The following ZNF33B variants were observed in gnomAD, a reference collection of about 807,000 sequenced individuals.
The protein encoded by ZNF33B is zinc finger protein 33B, also known as zinc finger protein 11b (KOX 2).
ZNF33B carries 29 observed loss-of-function variants against 45.8 expected under a neutral mutation model. The ratio of observed to expected loss-of-function variants is 0.63; its 90% CI spans 0.47 to 0.86. The LOEUF (loss-of-function observed/expected upper bound fraction) is 0.86. ZNF33B is among the 40% of genes least tolerant of loss of function. The probability of loss-of-function intolerance (pLI) is 0.00; values close to 1 mark genes in which losing one functional copy is unlikely to be tolerated. For synonymous variants in ZNF33B, 305 were observed against 307.8 expected (o/e 0.99, Z 0.10); for missense variants, 831 against 909.9 (o/e 0.91, Z 1.12).
At chr10:42,600,967 G>A (rs1476413012) in intron 4 of ZNF33B, among the ~76,000 whole-genome samples, 1 of 152,144 alleles carries the variant, frequency 6.6e-6, no homozygotes, top group Non-Finnish European at 1.5e-5. Flanking sequence ...ATCAGAACAT[G>A]TCTTGTGATG....
At chr10:42,595,218 G>C (rs543920744) in intron 4 of ZNF33B, among the ~76,000 whole-genome samples, 3 of 152,240 alleles carry the variant, frequency 2.0e-5, no homozygotes, top group African/African-American at 4.8e-5. Context: ...GAATAGAGGA[G>C]ACAGACAGCC....
intron 4 of ZNF33B, among the ~76,000 whole-genome samples, chr10:42,601,468 G>GTT (rs57196690): frequency 0.027 from 2,141 of 79,504 alleles, 77 homozygotes; most frequent in African/African-American, 0.065. Flanking sequence ...ACATGGGCTT[G>GTT]TTTTTTTTTT....
At position 42,593,484 on chromosome 10, in the gene ZNF33B, C is replaced by A. The variant is rs759502367; in HGVS notation, c.1466G>T (p.Arg489Ile). Residue 489 changes from arginine to isoleucine, a missense_variant, in exon 5 of 5, where the codon AGA becomes ATA. Coordinates refer to ENST00000359467, the MANE Select transcript of ZNF33B (RefSeq NM_006955.3). ...CQKSHLTQHQ[R>I]THIGDKPYEC... Reference sequence around the variant, plus strand: ...ATAAGGTTTATCTCCTATGTGAGTTCTCTGATGCTGTGTAAGATGTGACTT... The same window carrying A: ...ATAAGGTTTATCTCCTATGTGAGTTATCTGATGCTGTGTAAGATGTGACTT... 3.7e-6 allele frequency: 6 copies of A among 1,613,948 alleles called. No individual in the cohort carries two copies. The highest frequency in any genetic ancestry group is 2.7e-5 in the African/African-American group (2 of 74,900).
Position 42,592,456 on chromosome 10 carries a change from C to A in ZNF33B, c.*157G>T, listed in dbSNP as rs1837169190. On this transcript the variant is annotated 3_prime_UTR_variant, in exon 5 of 5. Coordinates refer to ENST00000359467, the MANE Select transcript of ZNF33B (RefSeq NM_006955.3). ...AAAGCCATCCTATAGTTGTTGTAGT[C>A]TATGGGTTTATCCCCTACTGTTACT... The A allele has an allele frequency of 2.8e-6, 3 of 1,083,722 alleles. No individual in the cohort carries two copies. The South Asian group carries it at 4.9e-5, about 18-fold the overall frequency. 67.1% of individuals were successfully genotyped at this position (1,083,722 alleles called of 1,614,324 possible).
chr10:42,609,245 C>G (rs1838000921), intron 4 of ZNF33B, among the ~76,000 whole-genome samples: 1 of 151,910 alleles, frequency 6.6e-6, no homozygotes. Flanking sequence ...GTGAAACCCC[C>G]TCTCTATAAA....
downstream of ZNF33B, among the ~76,000 whole-genome samples, chr10:42,587,386 G>A (rs112649792): frequency 0.029 from 4,337 of 151,996 alleles, 218 homozygotes; most frequent in African/African-American, 0.099. Flanking sequence ...TAGTAGAGAC[G>A]GGGTTTCACC....
At chr10:42,629,353 TAGAA>T (rs1201726567) in intron 4 of ZNF33B, among the ~76,000 whole-genome samples, 3 of 152,062 alleles carry the variant, frequency 2.0e-5, no homozygotes, top group African/African-American at 7.2e-5. Flanking sequence ...AAAAAATAGT[TAGAA>T]AGAATGAATA....
downstream of ZNF33B, among the ~76,000 whole-genome samples, chr10:42,584,632 T>C (rs1167446649): frequency 6.6e-6 from 1 of 152,092 alleles, no homozygotes; most frequent in Non-Finnish European, 1.5e-5. Flanking sequence ...CTGATTCTCC[T>C]GCCTCAGCCT....
At chr10:42,633,249 T>C (rs1839135472) in intron 2 of ZNF33B, among the ~76,000 whole-genome samples, 1 of 152,188 alleles carries the variant, frequency 6.6e-6, no homozygotes. Context: ...CTTGGAACTA[T>C]TATACTTGAA....
intron 1 of ZNF33B, chr10:42,582,875 T>A (rs17157518): frequency 0.03 from 12,406 of 407,468 alleles, 274 homozygotes; most frequent in Non-Finnish European, 0.039. Flanking sequence ...CCTCAGTGCA[T>A]CTCTTTGAAG....
intron 4 of ZNF33B, among the ~76,000 whole-genome samples, chr10:42,619,724 A>C (rs1163555392): frequency 6.6e-6 from 1 of 152,212 alleles, no homozygotes; most frequent in Non-Finnish European, 1.5e-5. Context: ...GTGACAACAT[A>C]AAGGGGATGA....
At chr10:42,620,286 A>G (rs1838515652) in intron 4 of ZNF33B, among the ~76,000 whole-genome samples, 1 of 152,064 alleles carries the variant, frequency 6.6e-6, no homozygotes, top group African/African-American at 2.4e-5. Flanking sequence ...AAGAAGGTAT[A>G]CAATATACAG....
rs1156888491 is a variant in ZNF33B at position 42,591,820 on chromosome 10, T to A, written c.*793A>T. 1 of 153,088 alleles carries A rather than the reference T, an allele frequency of 6.5e-6. No homozygotes were observed. Among genetic ancestry groups the A allele is most frequent in the East Asian group, 1.9e-4 (1 of 5,202 alleles). The allele number at this position is 153,088 out of a possible 1,614,324, so 9.5% of individuals were successfully genotyped here. ...AACAAGGGAACTACTTGAGGCTAAA[T>A]CCTGATTCCTTTGTAATCCTGAAAC... is the stretch of plus-strand genomic sequence containing the variant. On this transcript the variant is annotated 3_prime_UTR_variant, in exon 5 of 5. Coordinates refer to ENST00000359467, the MANE Select transcript of ZNF33B (RefSeq NM_006955.3).
intron 1 of ZNF33B, among the ~76,000 whole-genome samples, chr10:42,637,810 G>A (rs897069647): frequency 7.9e-5 from 12 of 152,170 alleles, no homozygotes; most frequent in African/African-American, 2.4e-4. Flanking sequence ...AGGCCACCAC[G>A]CATGGCTACT....
chr10:42,598,555 G>A lies in ZNF33B; in HGVS notation c.251-3856C>T, dbSNP rs536807596. The stretch of plus-strand genomic sequence containing the variant: ...CCATCAGACTTCACATACAAATCAC[G>A]AGTTCAAAGATAAAACTGTGAAGAA... On this transcript the variant is annotated intron_variant, in intron 4 of 4. Coordinates refer to ENST00000359467, the MANE Select transcript of ZNF33B (RefSeq NM_006955.3). 3.9e-5 allele frequency among the ~76,000 whole-genome samples: 6 copies of A among 152,304 alleles called. No individual in the cohort carries two copies. The South Asian group carries it at 6.2e-4, about 16-fold the overall frequency.
In ZNF33B at chr10:42,580,212, C is replaced by T. The variant is rs554110168; in HGVS notation, c.74-5534G>A. Among the ~76,000 whole-genome samples the T allele has an allele frequency of 3.9e-5, 6 of 151,936 alleles. No individual in the cohort carries two copies. In the South Asian group the frequency reaches 1.2e-3, roughly 32 times the overall value. The stretch of plus-strand genomic sequence containing the variant: ...GTGAGGTCAGGGCTGCCATAAAGTC[C>T]CGTTTCTCATCCCATGGTTTTTGTT... On this transcript the variant is annotated intron_variant, in intron 1 of 1. Coordinates refer to the ZNF33B transcript ENST00000462075.
At chr10:42,575,173 A>G (rs568141493) in intron 1 of ZNF33B, among the ~76,000 whole-genome samples, 1 of 152,224 alleles carries the variant, frequency 6.6e-6, no homozygotes, top group African/African-American at 2.4e-5. Context: ...GTTTCTCCAA[A>G]AGCTAGGACG....
chr10:42,631,041 T>A (rs547708378), intron 4 of ZNF33B, among the ~76,000 whole-genome samples: 2 of 152,286 alleles, frequency 1.3e-5, no homozygotes, highest in South Asian at 4.1e-4. Context: ...TCATTCAAAT[T>A]TCTACTCTAA....
Position 42,579,867 on chromosome 10 carries a change from G to C in ZNF33B, c.74-5189C>G, listed in dbSNP as rs570451373. ...TGGAGTCTAGGATACAGGTGGGCTTGTATTTCCATTTCATTTCCTTGGAGT... is the reference window on the plus strand; with the variant it reads ...TGGAGTCTAGGATACAGGTGGGCTTCTATTTCCATTTCATTTCCTTGGAGT... On this transcript the variant is annotated intron_variant, in intron 1 of 1. Coordinates refer to the ZNF33B transcript ENST00000462075. 34 of 154,474 alleles carry C rather than the reference G, an allele frequency of 2.2e-4. No homozygotes were observed. The Admixed American group carries it at 2.2e-3, about 10-fold the overall frequency. The allele number at this position is 154,474 out of a possible 1,614,324, so 9.6% of individuals were successfully genotyped here.
Sources: allele counts gnomAD v4.1 joint callset (sites outside exome capture counted in the v4.1 genomes callset), GRCh38; gene constraint gnomAD v4.1.1; transcripts MANE v1.5; gene names NCBI Gene and HGNC (gene_info 2026-07-23, HGNC 2026-07-21).